Variants in TXNDC15 observed in about 807,000 individuals in gnomAD.
TXNDC15 encodes the protein thioredoxin domain containing 15, also known as thioredoxin domain-containing protein 15.
TXNDC15 carries 24 observed loss-of-function variants against 35.0 expected under a neutral mutation model. The observed-to-expected ratio is 0.68, with a 90% CI of 0.50 to 0.96. The LOEUF is 0.96. Among genes scored for constraint, TXNDC15 ranks in the 40% least tolerant of loss-of-function variants. TXNDC15 has a pLI of 0.00. For missense variants in TXNDC15, 385 were observed against 453.3 expected, an observed-to-expected ratio of 0.85 and a Z score of 1.37; for synonymous variants, 169 against 174.0, an observed-to-expected ratio of 0.97 and a Z score of 0.23.
chr5:134,880,366 G>A (rs985022281), intron 1 of TXNDC15, among the ~76,000 whole-genome samples: 2 of 151,948 alleles, frequency 1.3e-5, no homozygotes, highest in African/African-American at 4.8e-5. Flanking sequence ...TTTTTGTCAT[G>A]TGGGTTCGCT....
Position 134,899,723 on chromosome 5 carries a change from C to A in TXNDC15, c.*38C>A. On this transcript the variant is annotated 3_prime_UTR_variant, in exon 5 of 5. Coordinates refer to ENST00000358387, the MANE Select transcript of TXNDC15 (RefSeq NM_024715.4). ...AGAAGTTGGAAAGAGGAACTTCAAT[C>A]CTTCGTTTCAGAAATTAGTGCTACA... 6.7e-7 allele frequency: 1 copy of A among 1,500,432 alleles called. No homozygotes were observed. Among genetic ancestry groups the A allele is most frequent in the Non-Finnish European group, 9.0e-7 (1 of 1,116,662 alleles). 92.9% of individuals were successfully genotyped at this position (1,500,432 alleles called of 1,614,324 possible). A position where few individuals can be genotyped will look rare whatever the true frequency, so the allele number is the denominator to read the frequency against.
Position 134,893,593 on chromosome 5 carries a change from C to T in TXNDC15, c.693C>T (p.Asn231=), listed in dbSNP as rs780613213. The T allele has an allele frequency of 6.2e-7, 1 of 1,614,226 alleles. No individual in the cohort carries two copies. The highest frequency in any genetic ancestry group is 1.7e-5 in the Admixed American group (1 of 60,020). ...RFSASLAPHF[N]SLPRAFPALH... ...CTGCCAGTTTGGCCCCTCACTTTAA[C>T]TCTCTGCCCCGGGCATTTCCAGCTC... Residue 231 remains asparagine, a synonymous_variant, in exon 3 of 5, where the codon AAC becomes AAT. Coordinates refer to ENST00000358387, the MANE Select transcript of TXNDC15 (RefSeq NM_024715.4).
intron 4 of TXNDC15, among the ~76,000 whole-genome samples, chr5:134,897,599 T>C (rs1187220246): frequency 6.6e-6 from 1 of 152,268 alleles, no homozygotes; most frequent in African/African-American, 2.4e-5. Flanking sequence ...TCACATACCA[T>C]ACACTTTACT....
chr5:134,882,936 A>G (rs1034873523), intron 1 of TXNDC15, among the ~76,000 whole-genome samples: 1 of 152,200 alleles, frequency 6.6e-6, no homozygotes, highest in African/African-American at 2.4e-5. Context: ...CTTTACCATT[A>G]TTCTTATAGA....
chr5:134,875,088 C>T (rs111923693), intron 1 of TXNDC15: 4 of 455,056 alleles, frequency 8.8e-6, no homozygotes, highest in African/African-American at 4.0e-5. Context: ...CTGGAGTCCA[C>T]GCTGCTGGAC....
intron 1 of TXNDC15, among the ~76,000 whole-genome samples, chr5:134,884,471 C>T (rs1308236003): frequency 1.3e-5 from 2 of 151,988 alleles, no homozygotes; most frequent in Non-Finnish European, 2.9e-5. Context: ...TGGTCTCGAA[C>T]TCCCGACCTC....
chr5:134,890,461 G>A (rs1750368246), intron 2 of TXNDC15, among the ~76,000 whole-genome samples: 1 of 150,708 alleles, frequency 6.6e-6, no homozygotes, highest in African/African-American at 2.4e-5. Flanking sequence ...AGGCGGGAGT[G>A]CAGTGGCGTG....
intron 2 of TXNDC15, among the ~76,000 whole-genome samples, chr5:134,889,321 T>A (rs1750341719): frequency 6.6e-6 from 1 of 152,088 alleles, no homozygotes; most frequent in Non-Finnish European, 1.5e-5. Context: ...GCCTCCCGGG[T>A]TCAAGTGGTT....
chr5:134,891,471 T>C (rs1181634676), intron 2 of TXNDC15, among the ~76,000 whole-genome samples: 1 of 152,198 alleles, frequency 6.6e-6, no homozygotes. Flanking sequence ...GGAATCTTTT[T>C]TTCTGAGCAG....
At chr5:134,896,226 A>G (rs1009823459) in intron 3 of TXNDC15, 68 bp from the exon 4 acceptor site, 41 of 1,531,934 alleles carry the variant, frequency 2.7e-5, no homozygotes, top group Non-Finnish European at 3.4e-5. Flanking sequence ...CTATTCTGAG[A>G]TGGTAATTGT....
At chr5:134,880,217 C>T (rs1370569501) in intron 1 of TXNDC15, among the ~76,000 whole-genome samples, 2 of 152,124 alleles carry the variant, frequency 1.3e-5, no homozygotes, top group African/African-American at 4.8e-5. Flanking sequence ...CCTTCCTCGC[C>T]CCCTTTATAG....
intron 1 of TXNDC15, among the ~76,000 whole-genome samples, chr5:134,875,602 T>C (rs1174574529): frequency 2.0e-5 from 3 of 151,664 alleles, no homozygotes; most frequent in African/African-American, 7.3e-5. Context: ...GCTTAAGTGA[T>C]CCTCCCACCT....
chr5:134,876,006 C>T (rs971780340), intron 1 of TXNDC15, among the ~76,000 whole-genome samples: 1 of 152,154 alleles, frequency 6.6e-6, no homozygotes, highest in Admixed American at 6.5e-5. Flanking sequence ...TAGATGTTAT[C>T]ATGCTCATTT....
intron 1 of TXNDC15, among the ~76,000 whole-genome samples, chr5:134,884,505 C>T (rs972985635): frequency 2.6e-5 from 4 of 151,940 alleles, no homozygotes; most frequent in Non-Finnish European, 5.9e-5. Flanking sequence ...GCCTCAGCCT[C>T]CCAAAGTGCT....
chr5:134,879,928 T>C (rs1195793948), intron 1 of TXNDC15, among the ~76,000 whole-genome samples: 1 of 151,998 alleles, frequency 6.6e-6, no homozygotes, highest in Non-Finnish European at 1.5e-5. Flanking sequence ...CCCAAGTAGC[T>C]GGGATTACCG....
intron 2 of TXNDC15, among the ~76,000 whole-genome samples, chr5:134,889,380 C>G (rs549643616): frequency 4.6e-5 from 7 of 152,128 alleles, no homozygotes; most frequent in Non-Finnish European, 1.0e-4. Context: ...CATGCCACCA[C>G]GCCTGGCTAA....
intron 3 of TXNDC15, among the ~76,000 whole-genome samples, chr5:134,894,235 C>G (rs1428829278): frequency 6.6e-6 from 1 of 151,934 alleles, no homozygotes; most frequent in Middle Eastern, 3.2e-3. Context: ...TTTTATATTT[C>G]TCGTGTATCA....
At chr5:134,881,065 G>A (rs534204403) in intron 1 of TXNDC15, among the ~76,000 whole-genome samples, 3 of 149,450 alleles carry the variant, frequency 2.0e-5, no homozygotes, top group African/African-American at 7.3e-5. Context: ...CAGTACTCCA[G>A]TTACTGTACA....
Position 134,893,278 on chromosome 5 carries a change from A to G in TXNDC15, c.592-214A>G, listed in dbSNP as rs1750423722. Reference sequence around the variant, plus strand: ...GCTTAATTCAGCAAGACTTAAAAAAAGTGAAAGTTTATAACTTGTCATTTG... The same window carrying G: ...GCTTAATTCAGCAAGACTTAAAAAAGGTGAAAGTTTATAACTTGTCATTTG... On this transcript the variant is annotated intron_variant, in intron 2 of 4. Transcript: ENST00000358387. The G allele has an allele frequency of 6.0e-6, 3 of 502,424 alleles. No individual in the cohort carries two copies. The South Asian group carries it at 1.1e-4, about 18-fold the overall frequency. The allele number at this position is 502,424 out of a possible 1,614,324, so 31.1% of individuals were successfully genotyped here.
Sources: allele counts gnomAD v4.1 joint callset (sites outside exome capture counted in the v4.1 genomes callset), GRCh38; gene constraint gnomAD v4.1.1; transcripts MANE v1.5; gene names NCBI Gene and HGNC (gene_info 2026-07-23, HGNC 2026-07-21).